The following PTK2B variants were observed in gnomAD, a reference collection of about 807,000 sequenced individuals.
PTK2B encodes protein-tyrosine kinase 2-beta.
In PTK2B, 71 loss-of-function variants were observed where a neutral mutation model predicts 142.9. The ratio of observed to expected loss-of-function variants is 0.50; its 90% CI spans 0.41 to 0.61. PTK2B has a LOEUF of 0.61. PTK2B is among the 20% of genes least tolerant of loss of function. The pLI is 0.00. For missense variants in PTK2B, 1,105 were observed against 1,320.4 expected, an observed-to-expected ratio of 0.84 and a Z score of 2.53; for synonymous variants, 519 against 503.4, an observed-to-expected ratio of 1.03 and a Z score of -0.42.
chr8:27,328,481 G>A (rs1803547475), intron 1 of PTK2B, among the ~76,000 whole-genome samples: 2 of 152,206 alleles, frequency 1.3e-5, no homozygotes, highest in Admixed American at 6.5e-5. Flanking sequence ...TTCCCTTGTG[G>A]GAACGGCTAG....
chr8:27,452,801 A>G (rs1811899476), intron 27 of PTK2B: 2 of 468,656 alleles, frequency 4.3e-6, no homozygotes, highest in Admixed American at 7.4e-5. Flanking sequence ...CAGATCACCC[A>G]GTACTGTTCC....
intron 1 of PTK2B, among the ~76,000 whole-genome samples, chr8:27,350,990 A>ATAT (rs1374905996): frequency 8.3e-5 from 1 of 12,086 alleles, no homozygotes; most frequent in African/African-American, 3.2e-4. Context: ...AAAAAAAAAA[A>ATAT]ATATATATAT....
At chr8:27,365,694 A>G (rs763275791) in intron 1 of PTK2B, among the ~76,000 whole-genome samples, 1 of 152,200 alleles carries the variant, frequency 6.6e-6, no homozygotes, top group South Asian at 2.1e-4. Flanking sequence ...GTCACCACTC[A>G]TTAAAAATAC....
intron 1 of PTK2B, among the ~76,000 whole-genome samples, chr8:27,336,696 A>G (rs2129803203): frequency 6.6e-6 from 1 of 152,152 alleles, no homozygotes; most frequent in East Asian, 1.9e-4. Context: ...GTAACTGTTC[A>G]CTCCCATCTC....
chr8:27,326,423 A>G (rs775669703), intron 1 of PTK2B, among the ~76,000 whole-genome samples: 3 of 152,126 alleles, frequency 2.0e-5, no homozygotes. Flanking sequence ...AAGCCCTGCC[A>G]CCTGCCCTAA....
At chr8:27,320,052 G>A (rs77991665) in intron 3 of PTK2B, among the ~76,000 whole-genome samples, 2,236 of 152,232 alleles carry the variant, frequency 0.015, 55 homozygotes, top group African/African-American at 0.049. Context: ...GGAGGAGTGC[G>A]CATTGGGGTG....
intron 21 of PTK2B, 77 bp from the exon 22 acceptor site, chr8:27,442,798 C>T (rs934227164): frequency 2.1e-5 from 27 of 1,310,584 alleles, no homozygotes; most frequent in Middle Eastern, 1.9e-4. Context: ...TGGGCCTCCA[C>T]GAAGTACAAA....
At chr8:27,423,736 C>T (rs977194281) in intron 5 of PTK2B, among the ~76,000 whole-genome samples, 5 of 152,108 alleles carry the variant, frequency 3.3e-5, no homozygotes, top group African/African-American at 1.2e-4. Flanking sequence ...AGAGAGAATG[C>T]TGGGGAGTCC....
At chr8:27,373,559 A>G (rs951751566) in intron 1 of PTK2B, among the ~76,000 whole-genome samples, 5 of 152,130 alleles carry the variant, frequency 3.3e-5, no homozygotes, top group African/African-American at 7.2e-5. Context: ...GCACACACCT[A>G]TAGTTCTAGC....
rs576959241 is a variant in PTK2B, at chr8:27,454,475, C to A, written c.2734-56C>A. The A allele has an allele frequency of 1.7e-3, 2,737 of 1,590,372 alleles. 7 individuals are homozygous for A. The highest frequency in any genetic ancestry group is 2.2e-3 in the Non-Finnish European group (2,532 of 1,159,550). On this transcript the variant is annotated intron_variant, in intron 29 of 30. Transcript: ENST00000346049. The stretch of plus-strand genomic sequence containing the variant: ...CCAGGAGAGCTCTTCCCAGGGGAAA[C>A]CTGGCTCTCTCCAATAGCTAGGAGT...
chr8:27,313,975 C>T (rs1185904715), intron 3 of PTK2B, among the ~76,000 whole-genome samples: 33 of 152,172 alleles, frequency 2.2e-4, no homozygotes, highest in Admixed American at 2.2e-3. Flanking sequence ...ACTGTGAAAC[C>T]ATCACCTGGC....
intron 5 of PTK2B, among the ~76,000 whole-genome samples, chr8:27,428,976 A>G (rs1268939212): frequency 6.6e-6 from 1 of 151,964 alleles, no homozygotes; most frequent in African/African-American, 2.4e-5. Flanking sequence ...CTGGAGTGCA[A>G]TGGTGCAATC....
chr8:27,377,278 G>A (rs1419399503), intron 1 of PTK2B, among the ~76,000 whole-genome samples: 3 of 152,128 alleles, frequency 2.0e-5, no homozygotes, highest in Admixed American at 6.5e-5. Flanking sequence ...CTGTGATCAC[G>A]GCCAACACTC....
intron 1 of PTK2B, among the ~76,000 whole-genome samples, chr8:27,338,585 A>T (rs189996206): frequency 1.3e-5 from 2 of 152,210 alleles, no homozygotes; most frequent in African/African-American, 4.8e-5. Flanking sequence ...TGCTGAATCT[A>T]TATTATAGTA....
intron 2 of PTK2B, among the ~76,000 whole-genome samples, chr8:27,406,370 CA>C (rs1426632742): frequency 6.6e-6 from 1 of 152,134 alleles, no homozygotes; most frequent in African/African-American, 2.4e-5. Flanking sequence ...GGCCACCATT[CA>C]ACCCATTATG....
chr8:27,375,181 G>C (rs952070960), intron 1 of PTK2B, among the ~76,000 whole-genome samples: 3 of 152,216 alleles, frequency 2.0e-5, no homozygotes, highest in African/African-American at 7.2e-5. Context: ...GGAGTGCCAA[G>C]GCTGCAGCAT....
Position 27,444,265 on chromosome 8 carries a change from G to A in PTK2B, c.2208G>A (p.Gln736=), listed in dbSNP as rs1811333540. The A allele has an allele frequency of 6.2e-7, 1 of 1,613,216 alleles. No individual in the cohort carries two copies. The highest frequency in any genetic ancestry group is 1.3e-5 in the African/African-American group (1 of 74,890). Residue 736 remains glutamine, a synonymous_variant, in exon 23 of 31, where the codon CAG becomes CAA. Coordinates refer to ENST00000346049, the MANE Select transcript of PTK2B (RefSeq NM_173176.3). The part of the protein sequence containing the change: ...PQTNLLAPKL[Q]FQVPEGLCAS... The stretch of plus-strand genomic sequence containing the variant: ...CCAACCTCCTGGCTCCAAAGCTGCA[G>A]TTCCAGGTAAAGATAGAACCAGAGG...
chr8:27,425,124 A>G (rs1225904976), intron 5 of PTK2B, among the ~76,000 whole-genome samples: 1 of 151,756 alleles, frequency 6.6e-6, no homozygotes, highest in Non-Finnish European at 1.5e-5. Context: ...TATAACATAT[A>G]TCTGTTAGTA....
chr8:27,310,922 C>T, upstream of PTK2B: 1 of 1,612,578 alleles, frequency 6.2e-7, no homozygotes, highest in Non-Finnish European at 8.5e-7. Flanking sequence ...GAGCTGTCCG[C>T]GGTGCAGGCG....
Sources: gnomAD v4.1 joint callset for allele counts (sites outside exome capture counted in the v4.1 genomes callset) on GRCh38, gnomAD v4.1.1 for gene constraint, MANE v1.5 for transcripts, NCBI Gene and HGNC (gene_info 2026-07-23, HGNC 2026-07-21) for gene names.